FAM13C: variants seen among roughly 807,000 people sequenced by gnomAD.
FAM13C encodes the protein family with sequence similarity 13 member C.
A neutral mutation model predicts 73.2 loss-of-function variants in FAM13C; 37 were observed. That is an observed-to-expected ratio of 0.51 (90% CI 0.39 to 0.67). The LOEUF (loss-of-function observed/expected upper bound fraction) is 0.67, where lower values mean the gene tolerates loss of function less well. FAM13C is among the 30% of genes least tolerant of loss of function. The probability of loss-of-function intolerance (pLI) is 0.00; values close to 1 mark genes in which losing one functional copy is unlikely to be tolerated. For synonymous variants in FAM13C, 246 were observed against 260.9 expected (o/e 0.94, Z 0.55); for missense variants, 589 against 715.6 (o/e 0.82, Z 2.02).
At chr10:59,248,542 C>G (rs1840966559) in intron 13 of FAM13C, among the ~76,000 whole-genome samples, 1 of 152,152 alleles carries the variant, frequency 6.6e-6, no homozygotes, top group Non-Finnish European at 1.5e-5. Context: ...TCAGAAGGCT[C>G]TTGTTTTCTT....
chr10:59,317,078 G>A (rs1849615903), intron 4 of FAM13C, among the ~76,000 whole-genome samples: 1 of 151,698 alleles, frequency 6.6e-6, no homozygotes. Context: ...AAATACATAT[G>A]GAGGGTTGAG....
chr10:59,356,047 T>G, intron 1 of FAM13C, 104 bp from the exon 2 acceptor site: 1 of 1,037,744 alleles, frequency 9.6e-7, no homozygotes, highest in Non-Finnish European at 1.5e-6. Context: ...AACTAAAAGA[T>G]GAAACACTCC....
intron 3 of FAM13C, among the ~76,000 whole-genome samples, chr10:59,342,774 T>A (rs1853679716): frequency 6.6e-6 from 1 of 152,222 alleles, no homozygotes; most frequent in Non-Finnish European, 1.5e-5. Flanking sequence ...AAAGTTAAGA[T>A]GGGCACTTCT....
At chr10:59,324,171 G>C in intron 3 of FAM13C, 65 bp from the exon 4 acceptor site, 1 of 1,296,014 alleles carries the variant, frequency 7.7e-7, no homozygotes, top group Non-Finnish European at 1.1e-6. Flanking sequence ...GCATTATTAT[G>C]CTGGAAGTGG....
At chr10:59,327,670 C>G (rs914554329) in intron 3 of FAM13C, 1 of 150,432 alleles carries the variant, frequency 6.6e-6, no homozygotes, top group Non-Finnish European at 1.5e-5. Flanking sequence ...TCGGCTGTAA[C>G]ATTCGGCTCA....
chr10:59,278,162 C>T (rs751872636), intron 6 of FAM13C, among the ~76,000 whole-genome samples: 4 of 152,144 alleles, frequency 2.6e-5, no homozygotes, highest in Non-Finnish European at 2.9e-5. Flanking sequence ...ACGAGAGCAG[C>T]ATGGGAAAGA....
chr10:59,315,318 CA>C (rs1195355284), intron 4 of FAM13C, among the ~76,000 whole-genome samples: 2 of 152,014 alleles, frequency 1.3e-5, no homozygotes, highest in Non-Finnish European at 2.9e-5. Context: ...ATATATTAAG[CA>C]AAAATAAGAA....
intron 1 of FAM13C, among the ~76,000 whole-genome samples, chr10:59,357,287 T>C (rs1855845437): frequency 6.6e-6 from 1 of 152,180 alleles, no homozygotes. Flanking sequence ...AAACATTTAC[T>C]CTTCATTCTG....
In FAM13C at chr10:59,283,467, G is replaced by A; in HGVS notation, c.508-20C>T. 6.2e-7 allele frequency: 1 copy of A among 1,613,468 alleles called. No homozygotes were observed. ...TTCTTCCTGGTTTGTTAAAAATGCA[G>A]AGCACAGATCAGATTCGAGGGCTTG... On this transcript the variant is annotated intron_variant, in intron 5 of 13. Coordinates refer to ENST00000618804, the MANE Select transcript of FAM13C (RefSeq NM_198215.4).
At chr10:59,349,746 G>T (rs966731319) in intron 3 of FAM13C, among the ~76,000 whole-genome samples, 9 of 152,190 alleles carry the variant, frequency 5.9e-5, no homozygotes, top group African/African-American at 2.2e-4. Context: ...CTGGGTGACA[G>T]AGGGAAATTT....
chr10:59,352,336 G>A lies in FAM13C; in HGVS notation c.258C>T (p.Asn86=). 1 of 1,614,158 alleles carries A rather than the reference G, an allele frequency of 6.2e-7. No individual in the cohort carries two copies. Among genetic ancestry groups the A allele is most frequent in the Non-Finnish European group, 8.5e-7 (1 of 1,180,028 alleles). ...VDSVLRPSMG[N]FKSRKPKSIF... is the part of the protein sequence containing the mutation. Reference sequence around the variant, plus strand: ...TGGACTTGGGCTTCCTGGACTTGAAGTTGCCCATGCTGGGTCGCAATACGC... The same window carrying A: ...TGGACTTGGGCTTCCTGGACTTGAAATTGCCCATGCTGGGTCGCAATACGC... Residue 86 remains asparagine, a synonymous_variant, in exon 3 of 14, where the codon AAC becomes AAT. Transcript: ENST00000618804.
chr10:59,354,040 A>G (rs141422474), intron 2 of FAM13C, among the ~76,000 whole-genome samples: 3 of 152,246 alleles, frequency 2.0e-5, no homozygotes, highest in Non-Finnish European at 2.9e-5. Flanking sequence ...ATGATCCTGC[A>G]TGAGAAACAA....
chr10:59,335,801 A>C (rs1463325029), intron 3 of FAM13C, among the ~76,000 whole-genome samples: 1 of 152,208 alleles, frequency 6.6e-6, no homozygotes, highest in Admixed American at 6.5e-5. Flanking sequence ...AGCTCCATGA[A>C]GGCCACTCTC....
chr10:59,317,559 T>C (rs2133977679), intron 4 of FAM13C, among the ~76,000 whole-genome samples: 1 of 152,214 alleles, frequency 6.6e-6, no homozygotes, highest in South Asian at 2.1e-4. Context: ...GAAAATTAAA[T>C]TTGTTCAATT....
At chr10:59,267,198 C>T (rs1347378955) in intron 8 of FAM13C, among the ~76,000 whole-genome samples, 3 of 152,282 alleles carry the variant, frequency 2.0e-5, no homozygotes, top group Non-Finnish European at 1.5e-5. Context: ...TTTTCCAATA[C>T]GAGGACATCA....
intron 3 of FAM13C, among the ~76,000 whole-genome samples, chr10:59,338,350 A>G (rs970478546): frequency 1.3e-5 from 2 of 152,104 alleles, no homozygotes; most frequent in Non-Finnish European, 2.9e-5. Context: ...TGCATCCACA[A>G]CTACAGAAGT....
At chr10:59,287,738 G>A (rs1845769852) in intron 5 of FAM13C, among the ~76,000 whole-genome samples, 3 of 152,156 alleles carry the variant, frequency 2.0e-5, no homozygotes, top group Admixed American at 6.5e-5. Context: ...GGGAAATCAT[G>A]GAAAGCTGGA....
chr10:59,335,202 C>A (rs1852559147), intron 3 of FAM13C, among the ~76,000 whole-genome samples: 1 of 152,126 alleles, frequency 6.6e-6, no homozygotes, highest in South Asian at 2.1e-4. Flanking sequence ...AGAATATATT[C>A]CCCCAGAGGT....
chr10:59,256,394 C>A (rs1302540841), intron 10 of FAM13C, among the ~76,000 whole-genome samples: 2 of 151,946 alleles, frequency 1.3e-5, no homozygotes, highest in Admixed American at 6.6e-5. Flanking sequence ...AAATTTAATT[C>A]TAAAAGGAAA....
Sources: allele counts gnomAD v4.1 joint callset (sites outside exome capture counted in the v4.1 genomes callset), GRCh38; gene constraint gnomAD v4.1.1; transcripts MANE v1.5; gene names NCBI Gene and HGNC (gene_info 2026-07-23, HGNC 2026-07-21).